The following LIN52 variants were observed in gnomAD, a reference collection of about 807,000 sequenced individuals.
The protein encoded by LIN52 is protein lin-52 homolog.
Under a neutral mutation model 18.5 loss-of-function variants are expected in LIN52, and 4 were observed. The ratio of observed to expected loss-of-function variants is 0.22; its 90% CI spans 0.11 to 0.49. The LOEUF is 0.49. Ranked by LOEUF, LIN52 falls within the 20% of genes least tolerant of loss-of-function variation. LIN52 has a pLI of 0.97. For missense variants in LIN52, 102 were observed against 139.5 expected (o/e 0.73, Z 1.35); for synonymous variants, 34 against 45.5 (o/e 0.75, Z 1.02).
At chr14:74,161,917 T>C (rs1373556320) in intron 5 of LIN52, among the ~76,000 whole-genome samples, 1 of 152,196 alleles carries the variant, frequency 6.6e-6, no homozygotes, top group Non-Finnish European at 1.5e-5. Context: ...GTGCCCTTTA[T>C]TGGCAAAGCA....
chr14:74,094,667 C>G (rs1383737640), intron 2 of LIN52, among the ~76,000 whole-genome samples: 4 of 152,164 alleles, frequency 2.6e-5, no homozygotes, highest in African/African-American at 9.6e-5. Context: ...TCCTCACATA[C>G]TAGCCAGTAT....
At chr14:74,144,445 A>G (rs948222057) in intron 5 of LIN52, among the ~76,000 whole-genome samples, 1 of 152,142 alleles carries the variant, frequency 6.6e-6, no homozygotes, top group African/African-American at 2.4e-5. Flanking sequence ...TTTTTAAACC[A>G]TCACATTATT....
Position 74,200,186 on chromosome 14 carries a change from G to T in LIN52, c.*1209G>T, listed in dbSNP as rs1293022342. The T allele has an allele frequency of 6.7e-6, 1 of 149,470 alleles. No individual in the cohort carries two copies. Among genetic ancestry groups the T allele is most frequent in the Non-Finnish European group, 1.5e-5 (1 of 67,208 alleles). 9.3% of individuals were successfully genotyped at this position (149,470 alleles called of 1,614,324 possible). On this transcript the variant is annotated 3_prime_UTR_variant, in exon 6 of 6. Transcript: ENST00000555028. Reference sequence around the variant, plus strand: ...AATCCCAGCACTTTGGGAGGCCGAGGCAGGTGGATCATAGGTCAAAAGATC... The same window carrying T: ...AATCCCAGCACTTTGGGAGGCCGAGTCAGGTGGATCATAGGTCAAAAGATC...
intron 5 of LIN52, among the ~76,000 whole-genome samples, chr14:74,137,498 C>CTTTTTTTTTTTTTTTTTTTTTT (rs71460959): frequency 2.7e-5 from 3 of 111,602 alleles, no homozygotes; most frequent in East Asian, 3.9e-4. Context: ...CAGCAGCTCT[C>CTTTTTTTTTTTTTTTTTTTTTT]TTTTTTTTTT....
chr14:74,177,291 C>T (rs1457846753), intron 5 of LIN52, among the ~76,000 whole-genome samples: 1 of 152,174 alleles, frequency 6.6e-6, no homozygotes. Context: ...ACCTACTGCG[C>T]CCGGCCTGTT....
chr14:74,160,194 C>G (rs945732946), intron 5 of LIN52, among the ~76,000 whole-genome samples: 2 of 152,120 alleles, frequency 1.3e-5, no homozygotes, highest in African/African-American at 4.8e-5. Flanking sequence ...TGGAGACAGA[C>G]ATGCATAGAG....
At chr14:74,166,273 A>G (rs546095666) in intron 5 of LIN52, among the ~76,000 whole-genome samples, 1 of 151,820 alleles carries the variant, frequency 6.6e-6, no homozygotes, top group African/African-American at 2.4e-5. Context: ...TTGGAGTGCA[A>G]TGGCGCGATC....
chr14:74,140,725 C>T (rs2061125658), intron 5 of LIN52, among the ~76,000 whole-genome samples: 1 of 152,186 alleles, frequency 6.6e-6, no homozygotes. Flanking sequence ...AATTGTTTTA[C>T]AAGAAGAGGC....
At chr14:74,176,125 C>T (rs2061293213) in intron 5 of LIN52, among the ~76,000 whole-genome samples, 1 of 152,128 alleles carries the variant, frequency 6.6e-6, no homozygotes, top group South Asian at 2.1e-4. Flanking sequence ...GATAACAGTG[C>T]CTTCTAGAAT....
rs1666020167 is a variant in LIN52 at position 74,105,620 on chromosome 14, GGGTT to G, written c.283+4385_283+4388del. 3.3e-5 allele frequency among the ~76,000 whole-genome samples: 5 copies of G among 151,722 alleles called. 1 individual carries two copies. In the Middle Eastern group the frequency reaches 0.01, roughly 312 times the overall value. On this transcript the variant is annotated intron_variant, in intron 5 of 5. Coordinates refer to ENST00000555028, the MANE Select transcript of LIN52 (RefSeq NM_001024674.3). ...CTTACAGATTATTCATCTACTCTAG[GGGTT>G]GGCTTTTACTTGACACCCTAATCTG...
At chr14:74,100,644 C>T (rs1442250541) in intron 4 of LIN52, among the ~76,000 whole-genome samples, 4 of 152,070 alleles carry the variant, frequency 2.6e-5, no homozygotes, top group African/African-American at 7.2e-5. Context: ...CCCAGCTAAT[C>T]GTTCTATTTT....
chr14:74,192,512 C>G (rs1323953694), intron 5 of LIN52: 1 of 163,952 alleles, frequency 6.1e-6, no homozygotes, highest in African/African-American at 2.4e-5. Flanking sequence ...TCTCGAACTC[C>G]TGACCCCTCA....
At chr14:74,089,857 G>A (rs1472392976) in intron 1 of LIN52, among the ~76,000 whole-genome samples, 1 of 152,066 alleles carries the variant, frequency 6.6e-6, no homozygotes, top group East Asian at 1.9e-4. Context: ...CAGGGGTGTG[G>A]CTTGTCTGTG....
chr14:74,126,418 C>G (rs1226991542), intron 5 of LIN52, among the ~76,000 whole-genome samples: 1 of 152,140 alleles, frequency 6.6e-6, no homozygotes, highest in African/African-American at 2.4e-5. Context: ...GGTACTCAAA[C>G]AAATGCTTCT....
chr14:74,167,596 A>C (rs748572262), intron 5 of LIN52, among the ~76,000 whole-genome samples: 2 of 152,146 alleles, frequency 1.3e-5, no homozygotes, highest in African/African-American at 4.8e-5. Context: ...ATGTAACCCA[A>C]TTCACTCAGG....
At chr14:74,153,047 G>GA (rs2061183677) in intron 5 of LIN52, among the ~76,000 whole-genome samples, 1 of 151,792 alleles carries the variant, frequency 6.6e-6, no homozygotes, top group South Asian at 2.1e-4. Flanking sequence ...AGCCTTAGTG[G>GA]AAAAATTTAT....
At chr14:74,120,686 C>T (rs1021288909) in intron 5 of LIN52, among the ~76,000 whole-genome samples, 7 of 149,074 alleles carry the variant, frequency 4.7e-5, no homozygotes, top group East Asian at 2.0e-4. Flanking sequence ...ACCTGGGAGG[C>T]GGAGGTTTCA....
rs534450334 is a variant in LIN52 at position 74,114,883 on chromosome 14, G to A, written c.283+13645G>A. ...CTTTGGCTGGTCATTAGGCTGCTAA[G>A]TAGAATGACTGACTTTTGTATGGTT... On this transcript the variant is annotated intron_variant, in intron 5 of 5. Coordinates refer to ENST00000555028, the MANE Select transcript of LIN52 (RefSeq NM_001024674.3). Among the ~76,000 whole-genome samples, 4 of 152,196 alleles carry A rather than the reference G, an allele frequency of 2.6e-5. No individual in the cohort carries two copies. In the South Asian group the frequency reaches 6.2e-4, roughly 24 times the overall value.
intron 5 of LIN52, among the ~76,000 whole-genome samples, chr14:74,177,024 G>C (rs554584501): frequency 6.6e-6 from 1 of 150,644 alleles, no homozygotes; most frequent in South Asian, 2.1e-4. Context: ...TTGAGACTGA[G>C]TTTCCCTCTT....
Sources: gnomAD v4.1 joint callset for allele counts (sites outside exome capture counted in the v4.1 genomes callset) on GRCh38, gnomAD v4.1.1 for gene constraint, MANE v1.5 for transcripts, NCBI Gene and HGNC (gene_info 2026-07-23, HGNC 2026-07-21) for gene names.